PLPPR5: variants seen among roughly 807,000 people sequenced by gnomAD.
PLPPR5 encodes phospholipid phosphatase-related protein type 5.
PLPPR5 carries 16 observed loss-of-function variants against 33.9 expected under a neutral mutation model. The observed-to-expected ratio is 0.47, with a 90% confidence interval of 0.32 to 0.72. PLPPR5 has a LOEUF of 0.72. Ranked by LOEUF, PLPPR5 falls within the 30% of genes least tolerant of loss-of-function variation. The pLI is 0.03. For synonymous variants in PLPPR5, 163 were observed against 150.3 expected, an observed-to-expected ratio of 1.08 and a Z score of -0.62; for missense variants, 301 against 406.7, an observed-to-expected ratio of 0.74 and a Z score of 2.23.
In PLPPR5 at chr1:98,893,037, A is replaced by T. The variant is rs1648333370; in HGVS notation, c.*35T>A. ...TATGAATGGATGGTAAAAAGGGATG[A>T]TGTCCAATGCAGTGAAAAACCATCT... On this transcript the variant is annotated 3_prime_UTR_variant, in exon 6 of 6. Coordinates refer to ENST00000263177, the MANE Select transcript of PLPPR5 (RefSeq NM_001037317.2). 2.5e-6 allele frequency: 4 copies of T among 1,604,204 alleles called. No homozygotes were observed. In the East Asian group the frequency reaches 9.0e-5, roughly 36 times the overall value.
At chr1:98,963,699 A>C (rs1651329621) in intron 1 of PLPPR5, among the ~76,000 whole-genome samples, 2 of 152,144 alleles carry the variant, frequency 1.3e-5, no homozygotes, top group Admixed American at 1.3e-4. Flanking sequence ...CTTACAGGTC[A>C]CACCCTGGAG....
chr1:98,972,408 A>G (rs1158335391), intron 1 of PLPPR5, among the ~76,000 whole-genome samples: 1 of 152,070 alleles, frequency 6.6e-6, no homozygotes, highest in East Asian at 1.9e-4. Flanking sequence ...ATCTCAATCA[A>G]GTTTTCTTTC....
intron 5 of PLPPR5, among the ~76,000 whole-genome samples, chr1:98,906,506 G>A (rs1329931787): frequency 6.6e-6 from 1 of 152,046 alleles, no homozygotes; most frequent in African/African-American, 2.4e-5. Context: ...CCTGCAAGAA[G>A]GCAGAAGCAA....
At position 99,003,591 on chromosome 1, in the gene PLPPR5, ATAT is replaced by A. The variant is rs546821133; in HGVS notation, c.237+841_237+843del. 2.8e-3 allele frequency among the ~76,000 whole-genome samples: 432 copies of A among 152,288 alleles called. 8 individuals are homozygous for A. The highest frequency in any genetic ancestry group is 0.027 in the Middle Eastern group (8 of 294). On this transcript the variant is annotated intron_variant, in intron 1 of 5. Coordinates refer to ENST00000263177, the MANE Select transcript of PLPPR5 (RefSeq NM_001037317.2). ...TATGTAAATTACTATAATAAAATTA[ATAT>A]TATTATGTGTAATTTATCCCCAATA...
chr1:98,974,243 T>A (rs941834519), intron 1 of PLPPR5, among the ~76,000 whole-genome samples: 1 of 151,828 alleles, frequency 6.6e-6, no homozygotes, highest in Admixed American at 6.6e-5. Flanking sequence ...AAGACAGGGG[T>A]CCTCGATCAG....
At chr1:98,934,428 C>A (rs1217694671) in intron 3 of PLPPR5, among the ~76,000 whole-genome samples, 1 of 152,152 alleles carries the variant, frequency 6.6e-6, no homozygotes, top group African/African-American at 2.4e-5. Context: ...TTAAAAACAG[C>A]TTGAGGCTTC....
rs1557699418 is a variant in PLPPR5, at chr1:99,001,668, A to AG, written c.237+2766_237+2767insC. 4.2e-3 allele frequency among the ~76,000 whole-genome samples: 444 copies of AG among 106,300 alleles called. 4 individuals are homozygous for AG. The highest frequency in any genetic ancestry group is 0.015 in the African/African-American group (426 of 29,212). The allele number at this position is 106,300 out of a possible 152,430, so 69.7% of individuals were successfully genotyped here. ...AGAACTAGAAATGAGTTTGAAAGTT[A>AG]AAGATATATATATATATATATATAT... On this transcript the variant is annotated intron_variant, in intron 1 of 5. Coordinates refer to ENST00000263177, the MANE Select transcript of PLPPR5 (RefSeq NM_001037317.2).
chr1:98,980,784 T>C (rs573329848), intron 1 of PLPPR5, among the ~76,000 whole-genome samples: 11 of 152,170 alleles, frequency 7.2e-5, no homozygotes, highest in Admixed American at 5.9e-4. Flanking sequence ...GGTGAATTAA[T>C]TATAGAAGCA....
At chr1:98,948,748 C>T (rs1650652775) in intron 3 of PLPPR5, among the ~76,000 whole-genome samples, 1 of 152,114 alleles carries the variant, frequency 6.6e-6, no homozygotes, top group Non-Finnish European at 1.5e-5. Flanking sequence ...TGTGCTGTCT[C>T]GGCTGAGCCC....
chr1:98,949,960 G>GT (rs909873318), intron 3 of PLPPR5, among the ~76,000 whole-genome samples: 1 of 152,186 alleles, frequency 6.6e-6, no homozygotes, highest in African/African-American at 2.4e-5. Context: ...ACACTTCCCA[G>GT]TGCTGGAGTG....
chr1:98,952,262 C>CAAAAAAA, intron 3 of PLPPR5, among the ~76,000 whole-genome samples: 1 of 113,076 alleles, frequency 8.8e-6, no homozygotes, highest in Non-Finnish European at 1.9e-5. Context: ...GACTCCGTCT[C>CAAAAAAA]AGAAAAAAAA....
intron 3 of PLPPR5, among the ~76,000 whole-genome samples, chr1:98,947,826 G>T (rs1176941300): frequency 6.6e-6 from 1 of 152,182 alleles, no homozygotes; most frequent in African/African-American, 2.4e-5. Context: ...CATAATAATA[G>T]TATAGCAGTC....
intron 3 of PLPPR5, among the ~76,000 whole-genome samples, chr1:98,924,935 T>C (rs1006513840): frequency 1.3e-5 from 2 of 152,228 alleles, no homozygotes; most frequent in African/African-American, 4.8e-5. Context: ...AACTTTAAAG[T>C]AGATCATAGC....
intron 1 of PLPPR5, among the ~76,000 whole-genome samples, chr1:98,978,901 G>C (rs1557691356): frequency 6.6e-6 from 1 of 151,966 alleles, no homozygotes; most frequent in Non-Finnish European, 1.5e-5. Context: ...TGAATTATTA[G>C]TTATCTTTCC....
chr1:98,942,800 G>A (rs1650423958), intron 3 of PLPPR5, among the ~76,000 whole-genome samples: 1 of 152,206 alleles, frequency 6.6e-6, no homozygotes, highest in South Asian at 2.1e-4. Context: ...GCCTTGAGGG[G>A]TGGACACCTC....
At chr1:98,943,658 C>T (rs192223757) in intron 3 of PLPPR5, among the ~76,000 whole-genome samples, 25 of 152,192 alleles carry the variant, frequency 1.6e-4, no homozygotes, top group South Asian at 4.2e-4. Context: ...TTGAAATATT[C>T]GGAAACTCCA....
intron 3 of PLPPR5, among the ~76,000 whole-genome samples, chr1:98,948,865 T>C (rs1161440622): frequency 6.6e-6 from 1 of 152,122 alleles, no homozygotes; most frequent in Non-Finnish European, 1.5e-5. Flanking sequence ...TAACAGATTG[T>C]TGTTGTTTTA....
At chr1:98,950,369 CAT>C (rs1433279210) in intron 3 of PLPPR5, among the ~76,000 whole-genome samples, 4 of 152,104 alleles carry the variant, frequency 2.6e-5, no homozygotes, top group Non-Finnish European at 4.4e-5. Flanking sequence ...GTGCCTGACA[CAT>C]GGTAAATGTT....
chr1:98,974,128 G>A (rs993138081), intron 1 of PLPPR5, among the ~76,000 whole-genome samples: 2 of 151,968 alleles, frequency 1.3e-5, no homozygotes, highest in African/African-American at 4.8e-5. Context: ...ACTTACACTT[G>A]GGGAGTGGGC....
Sources: allele counts gnomAD v4.1 joint callset (sites outside exome capture counted in the v4.1 genomes callset), GRCh38; gene constraint gnomAD v4.1.1; transcripts MANE v1.5; gene names NCBI Gene and HGNC (gene_info 2026-07-23, HGNC 2026-07-21).